DNAJC11: variants seen among roughly 807,000 people sequenced by gnomAD.
The protein encoded by DNAJC11 is DnaJ heat shock protein family (Hsp40) member C11.
Under a neutral mutation model 78.6 loss-of-function variants are expected in DNAJC11, and 15 were observed. That is an observed-to-expected ratio of 0.19 (90% CI 0.13 to 0.29). The LOEUF is 0.29. Ranked by LOEUF, DNAJC11 falls within the 10% of genes least tolerant of loss-of-function variation. The pLI is 1.00. For missense variants in DNAJC11, 547 were observed against 709.6 expected (o/e 0.77, Z 2.60); for synonymous variants, 292 against 272.1 (o/e 1.07, Z -0.72).
rs1641709130 is a variant in DNAJC11 at position 6,634,266 on chromosome 1, G to C, written c.*1409C>G. The stretch of plus-strand genomic sequence containing the variant: ...GTGCCCAGAAGCACCTGCGGCAGAG[G>C]CGCACGGGAAGCCCGGGGCCCAGGC... On this transcript the variant is annotated 3_prime_UTR_variant, in exon 16 of 16. Transcript: ENST00000377577. The C allele has an allele frequency of 1.3e-5, 11 of 863,764 alleles. No homozygotes were observed. Among genetic ancestry groups the C allele is most frequent in the Non-Finnish European group, 1.7e-5 (10 of 574,556 alleles). 53.5% of individuals were successfully genotyped at this position (863,764 alleles called of 1,614,324 possible).
At chr1:6,689,008 C>T (rs1642701141) in intron 1 of DNAJC11, among the ~76,000 whole-genome samples, 2 of 152,154 alleles carry the variant, frequency 1.3e-5, no homozygotes, top group South Asian at 4.1e-4. Context: ...AACATCACCA[C>T]AAAGTAGCCA....
chr1:6,637,508 C>T lies in DNAJC11; in HGVS notation c.1324-4G>A. 6.2e-7 allele frequency: 1 copy of T among 1,614,172 alleles called. No individual in the cohort carries two copies. On this transcript the variant is annotated splice_polypyrimidine_tract_variant and splice_region_variant and intron_variant, in intron 12 of 15. Transcript: ENST00000377577. ...CAGATTCCTGCATCAGCCGGACCTG[C>T]CAGAGAACAAGGATGACACAGTCAG...
intron 7 of DNAJC11, chr1:6,651,058 A>G: frequency 1.9e-6 from 1 of 533,870 alleles, no homozygotes; most frequent in Non-Finnish European, 3.8e-6. Flanking sequence ...TAGAAGGGAC[A>G]GGGATATACA....
chr1:6,653,080 G>GTTCA lies in DNAJC11; in HGVS notation c.508-130_508-129insTGAA. 9.2e-7 allele frequency: 1 copy of GTTCA among 1,089,370 alleles called. No homozygotes were observed. The highest frequency in any genetic ancestry group is 1.6e-5 in the African/African-American group (1 of 63,716). The allele number at this position is 1,089,370 out of a possible 1,614,324, so 67.5% of individuals were successfully genotyped here. ...GATTCCTCTGTTCAGAAGCACACAT[G>GTTCA]GATGCAGAACTGCCGCAACAGCTTC... On this transcript the variant is annotated intron_variant, in intron 5 of 15. Coordinates refer to ENST00000377577, the MANE Select transcript of DNAJC11 (RefSeq NM_018198.4). The surrounding 1 kb of genome is among the most constrained non-coding windows in gnomAD (Gnocchi z 4.5).
rs769754747 is a variant in DNAJC11, at chr1:6,644,644, G to A, written c.1011C>T (p.Tyr337=). ...GCCTGGAGATCTTCCTCTCAGCTCC[G>A]TACTCCACCACCGTCCCAAAGAAGC... is the stretch of plus-strand genomic sequence containing the variant. ...KAGFFGTVVE[Y]GAERKISRHS... is the part of the protein sequence containing the mutation. Residue 337 remains tyrosine, a synonymous_variant, in exon 10 of 16, where the codon TAC becomes TAT. Transcript: ENST00000377577. 16 of 1,614,116 alleles carry A rather than the reference G, an allele frequency of 9.9e-6. No homozygotes were observed. In the East Asian group the frequency reaches 1.3e-4, roughly 13 times the overall value.
chr1:6,683,440 T>G (rs1642586416), intron 1 of DNAJC11, among the ~76,000 whole-genome samples: 1 of 152,214 alleles, frequency 6.6e-6, no homozygotes, highest in African/African-American at 2.4e-5. Context: ...TATGAAGTGC[T>G]TCACACAGTG....
chr1:6,686,263 A>C (rs1330402788), intron 1 of DNAJC11, among the ~76,000 whole-genome samples: 2 of 152,216 alleles, frequency 1.3e-5, no homozygotes, highest in African/African-American at 4.8e-5. Flanking sequence ...ATAACTTAAG[A>C]ATGTAATAAC....
rs79847330 is a variant in DNAJC11 at position 6,691,355 on chromosome 1, G to A, written c.73-10318C>T. Among the ~76,000 whole-genome samples the A allele has an allele frequency of 2.6e-3, 400 of 152,232 alleles. 2 individuals carry two copies. The highest frequency in any genetic ancestry group is 9.0e-3 in the African/African-American group (372 of 41,538). On this transcript the variant is annotated intron_variant, in intron 1 of 15. Transcript: ENST00000377577. ...AATCAGAGGTCATTGCAAGGGCTCAGGAAATCTTCTGCTACCATTGTACAA... is the reference window on the plus strand; with the variant it reads ...AATCAGAGGTCATTGCAAGGGCTCAAGAAATCTTCTGCTACCATTGTACAA...
At chr1:6,673,585 C>A (rs758340282) in intron 3 of DNAJC11, among the ~76,000 whole-genome samples, 1 of 152,214 alleles carries the variant, frequency 6.6e-6, no homozygotes, top group African/African-American at 2.4e-5. Flanking sequence ...GTATAGCCTG[C>A]ACCCAGGTTC....
At chr1:6,693,834 A>ATTTTTTTTTT in intron 1 of DNAJC11, among the ~76,000 whole-genome samples, 1 of 101,222 alleles carries the variant, frequency 9.9e-6, no homozygotes. Flanking sequence ...AAGTACCCCC[A>ATTTTTTTTTT]TTTTTTTTTT....
At chr1:6,672,987 G>A (rs1029752592) in intron 3 of DNAJC11, among the ~76,000 whole-genome samples, 1 of 152,042 alleles carries the variant, frequency 6.6e-6, no homozygotes, top group African/African-American at 2.4e-5. Context: ...CCTGAGGTCA[G>A]GTGTTTGAGA....
chr1:6,691,571 T>G (rs1337987810), intron 1 of DNAJC11, among the ~76,000 whole-genome samples: 1 of 152,186 alleles, frequency 6.6e-6, no homozygotes, highest in East Asian at 1.9e-4. Flanking sequence ...ATACCTTCTG[T>G]CATTCGTGTT....
intron 7 of DNAJC11, among the ~76,000 whole-genome samples, chr1:6,648,672 G>A (rs910905019): frequency 4.6e-5 from 7 of 151,978 alleles, no homozygotes; most frequent in African/African-American, 1.7e-4. Flanking sequence ...GCCTAGGCTG[G>A]TCTCAAACTC....
At chr1:6,682,504 G>C (rs1467007033) in intron 1 of DNAJC11, among the ~76,000 whole-genome samples, 1 of 152,174 alleles carries the variant, frequency 6.6e-6, no homozygotes, top group East Asian at 1.9e-4. Flanking sequence ...TGGGGCCCGG[G>C]TTCTGCTCCC....
chr1:6,675,574 C>T (rs1019395857), intron 3 of DNAJC11, among the ~76,000 whole-genome samples: 4 of 152,060 alleles, frequency 2.6e-5, no homozygotes, highest in African/African-American at 9.7e-5. Context: ...CACCACCATG[C>T]CTGGTTAATT....
Position 6,635,343 on chromosome 1 carries a change from A to C in DNAJC11, c.*332T>G. On this transcript the variant is annotated 3_prime_UTR_variant, in exon 16 of 16. Transcript: ENST00000377577. ...CCACAGACACCTCCAGACCCAGCCAAGAACTACAGGGCGGCGGGCTGCGGT... is the reference window on the plus strand; with the variant it reads ...CCACAGACACCTCCAGACCCAGCCACGAACTACAGGGCGGCGGGCTGCGGT... 1 of 257,030 alleles carries C rather than the reference A, an allele frequency of 3.9e-6. No homozygotes were observed. The highest frequency in any genetic ancestry group is 7.5e-6 in the Non-Finnish European group (1 of 132,478). 15.9% of individuals were successfully genotyped at this position (257,030 alleles called of 1,614,324 possible).
chr1:6,657,866 C>T (rs1371469322), intron 4 of DNAJC11, among the ~76,000 whole-genome samples: 2 of 152,178 alleles, frequency 1.3e-5, no homozygotes, highest in African/African-American at 4.8e-5. Flanking sequence ...AGGATGGTCT[C>T]GATCTCCTGA....
chr1:6,691,168 A>G (rs1642738648), intron 1 of DNAJC11, among the ~76,000 whole-genome samples: 1 of 149,596 alleles, frequency 6.7e-6, no homozygotes, highest in African/African-American at 2.5e-5. Context: ...ACAATTAGTA[A>G]CAACAGAATC....
intron 1 of DNAJC11, 103 bp downstream of exon 1, chr1:6,701,626 C>G: frequency 7.9e-7 from 1 of 1,268,170 alleles, no homozygotes; most frequent in Non-Finnish European, 1.1e-6. Context: ...CCCCGACGGA[C>G]CCGAGCCTCC....
Sources: gnomAD v4.1 joint callset for allele counts (sites outside exome capture counted in the v4.1 genomes callset) on GRCh38, gnomAD v4.1.1 for gene constraint, Gnocchi (gnomAD v3.1) non-coding constraint, MANE v1.5 for transcripts, NCBI Gene and HGNC (gene_info 2026-07-23, HGNC 2026-07-21) for gene names.